The following PLXNA4 variants were observed in gnomAD, a reference collection of about 807,000 sequenced individuals.
PLXNA4 encodes the protein plexin-A4.
Under a neutral mutation model 191.8 loss-of-function variants are expected in PLXNA4, and 44 were observed. That is an observed-to-expected ratio of 0.23 (90% CI 0.18 to 0.29). The LOEUF is 0.29. Ranked by LOEUF, PLXNA4 falls within the 10% of genes least tolerant of loss-of-function variation. The probability of loss-of-function intolerance (pLI) is 1.00; values close to 1 mark genes in which losing one functional copy is unlikely to be tolerated. For missense variants in PLXNA4, 1,800 were observed against 2,488.8 expected, an observed-to-expected ratio of 0.72 and a Z score of 5.89; for synonymous variants, 1,082 against 1,009.5, an observed-to-expected ratio of 1.07 and a Z score of -1.36.
chr7:132,516,737 C>T (rs1326398220), intron 1 of PLXNA4, among the ~76,000 whole-genome samples: 1 of 152,158 alleles, frequency 6.6e-6, no homozygotes, highest in African/African-American at 2.4e-5. Context: ...GCAGGTGGAT[C>T]ACTTGAGGTC....
chr7:132,432,055 T>G (rs573497612), intron 3 of PLXNA4, among the ~76,000 whole-genome samples: 1 of 152,280 alleles, frequency 6.6e-6, no homozygotes, highest in East Asian at 1.9e-4. Context: ...AGATGGCTCC[T>G]CTGTCTTCCT....
At chr7:132,235,688 G>A (rs1405646405) in intron 5 of PLXNA4, among the ~76,000 whole-genome samples, 7 of 152,172 alleles carry the variant, frequency 4.6e-5, no homozygotes, top group Admixed American at 1.3e-4. Context: ...CAATCGATGC[G>A]GCTGGGTCTG....
intron 8 of PLXNA4, among the ~76,000 whole-genome samples, chr7:132,225,574 C>T (rs545353219): frequency 1.3e-5 from 2 of 151,984 alleles, no homozygotes; most frequent in East Asian, 3.9e-4. Flanking sequence ...TCAAACAAAG[C>T]TCGAGTTGGA....
intron 18 of PLXNA4, 100 bp from the exon 19 acceptor site, chr7:132,180,832 G>A: frequency 6.6e-7 from 1 of 1,517,700 alleles, no homozygotes. Flanking sequence ...TCCCGCTGGT[G>A]AGCTGGTGAA....
At chr7:132,603,513 A>G (rs1287889520) in intron 2 of PLXNA4, among the ~76,000 whole-genome samples, 2 of 152,322 alleles carry the variant, frequency 1.3e-5, no homozygotes, top group Non-Finnish European at 2.9e-5. Context: ...GCCTGCAGGA[A>G]GAAGTGGACG....
At chr7:132,573,088 G>A (rs1386687686) in intron 1 of PLXNA4, among the ~76,000 whole-genome samples, 1 of 151,332 alleles carries the variant, frequency 6.6e-6, no homozygotes, top group Non-Finnish European at 1.5e-5. Flanking sequence ...GGTGGGGGCA[G>A]AGAAGTGGGG....
chr7:132,218,315 T>G (rs1239699691), intron 9 of PLXNA4, among the ~76,000 whole-genome samples: 1 of 152,210 alleles, frequency 6.6e-6, no homozygotes, highest in Non-Finnish European at 1.5e-5. Context: ...TTGCCTCCTC[T>G]GATCTTACAA....
At chr7:132,428,139 C>A (rs543102221) in intron 3 of PLXNA4, among the ~76,000 whole-genome samples, 1 of 152,284 alleles carries the variant, frequency 6.6e-6, no homozygotes, top group South Asian at 2.1e-4. Flanking sequence ...GAGCTGCCTT[C>A]TGCCTGCCCC....
intron 4 of PLXNA4, among the ~76,000 whole-genome samples, chr7:132,263,613 T>C (rs530626973): frequency 2.2e-4 from 33 of 152,332 alleles, no homozygotes; most frequent in Admixed American, 8.5e-4. Context: ...AATTGTCCAC[T>C]GCATGCATTG....
chr7:132,420,908 T>C, intron 3 of PLXNA4, among the ~76,000 whole-genome samples: 1 of 152,202 alleles, frequency 6.6e-6, no homozygotes, highest in South Asian at 2.1e-4. Flanking sequence ...CCTTCCACCA[T>C]GATTTTGAGG....
At chr7:132,463,460 C>G (rs970154472) in intron 3 of PLXNA4, among the ~76,000 whole-genome samples, 1 of 152,148 alleles carries the variant, frequency 6.6e-6, no homozygotes, top group Non-Finnish European at 1.5e-5. Context: ...CACAACAACC[C>G]AGAGATGTAA....
At chr7:132,549,503 T>C (rs1376375399) in intron 1 of PLXNA4, among the ~76,000 whole-genome samples, 1 of 152,180 alleles carries the variant, frequency 6.6e-6, no homozygotes, top group Non-Finnish European at 1.5e-5. Flanking sequence ...GTCCCAACCC[T>C]GGTGATGCTG....
intron 3 of PLXNA4, among the ~76,000 whole-genome samples, chr7:132,424,737 G>T (rs900888851): frequency 6.6e-6 from 1 of 152,198 alleles, no homozygotes; most frequent in Admixed American, 6.5e-5. Flanking sequence ...ACCCAGATCT[G>T]ATGGTTACAC....
At chr7:132,220,289 C>T (rs1055066774) in intron 9 of PLXNA4, among the ~76,000 whole-genome samples, 82 of 152,328 alleles carry the variant, frequency 5.4e-4, no homozygotes, top group Middle Eastern at 3.4e-3. Flanking sequence ...CAACAACCAT[C>T]GCCAGGTGGC....
chr7:132,365,591 G>A (rs1482700159), intron 3 of PLXNA4, among the ~76,000 whole-genome samples: 1 of 152,096 alleles, frequency 6.6e-6, no homozygotes, highest in East Asian at 1.9e-4. Flanking sequence ...AACCGGAAAA[G>A]AAAAGGAAGG....
At chr7:132,579,252 G>A (rs755642072), upstream of PLXNA4, among the ~76,000 whole-genome samples, 6 of 152,124 alleles carry the variant, frequency 3.9e-5, no homozygotes, top group South Asian at 2.1e-4. Context: ...AATTAAAGGC[G>A]CGGGGGAGAC....
chr7:132,180,622 G>A lies in PLXNA4; in HGVS notation c.3603C>T (p.Cys1201=), dbSNP rs760902464. 3 of 1,614,168 alleles carry A rather than the reference G, an allele frequency of 1.9e-6. No individual in the cohort carries two copies. Among genetic ancestry groups the A allele is most frequent in the Admixed American group, 1.7e-5 (1 of 60,006 alleles). The change falls in exon 19 of 32, where the codon TGC becomes TGT. Residue 1201 remains cysteine, a synonymous_variant. Coordinates refer to ENST00000321063, the MANE Select transcript of PLXNA4 (RefSeq NM_020911.2). The stretch of plus-strand genomic sequence containing the variant: ...GCCTGCCGATGAGGTTGGGGGACTC[G>A]CAGAGCAGCTGGACATCTGACACGG... ...TVTVSDVQLL[C]ESPNLIGRHK... is the part of the protein sequence containing the mutation.
chr7:132,149,744 A>C (rs1165928612), intron 25 of PLXNA4, among the ~76,000 whole-genome samples: 1 of 152,220 alleles, frequency 6.6e-6, no homozygotes, highest in Non-Finnish European at 1.5e-5. Context: ...TGCTGGATTA[A>C]GTGGCCTGGC....
intron 4 of PLXNA4, among the ~76,000 whole-genome samples, chr7:132,274,929 T>A (rs1399790534): frequency 6.6e-6 from 1 of 152,072 alleles, no homozygotes; most frequent in Admixed American, 6.6e-5. Context: ...TATCAAATTG[T>A]CATGATGTTG....
Sources: allele counts gnomAD v4.1 joint callset (sites outside exome capture counted in the v4.1 genomes callset), GRCh38; gene constraint gnomAD v4.1.1; transcripts MANE v1.5; gene names NCBI Gene and HGNC (gene_info 2026-07-23, HGNC 2026-07-21).